MDN1: variants seen among roughly 807,000 people sequenced by gnomAD.
The protein encoded by MDN1 is midasin AAA ATPase 1.
A neutral mutation model predicts 669.2 loss-of-function variants in MDN1; 266 were observed. The observed-to-expected ratio is 0.40, with a 90% confidence interval of 0.36 to 0.44. MDN1 has a LOEUF of 0.44. MDN1 is among the 20% of genes least tolerant of loss of function. MDN1 has a pLI of 1.00. For synonymous variants in MDN1, 2,385 were observed against 2,457.1 expected, an observed-to-expected ratio of 0.97 and a Z score of 0.87; for missense variants, 5,940 against 6,754.0, an observed-to-expected ratio of 0.88 and a Z score of 4.22.
intron 50 of MDN1, among the ~76,000 whole-genome samples, chr6:89,709,509 T>C (rs1562121985): frequency 6.6e-6 from 1 of 152,224 alleles, no homozygotes; most frequent in Non-Finnish European, 1.5e-5. Context: ...CCTCTCATAG[T>C]GGAAAGCCAT....
intron 33 of MDN1, among the ~76,000 whole-genome samples, chr6:89,737,723 ATTT>A (rs369806177): frequency 4.7e-4 from 60 of 128,892 alleles, no homozygotes; most frequent in Admixed American, 8.0e-4. Context: ...TCCCAGCCTA[ATTT>A]TTTTTTTTTT....
At position 89,794,656 on chromosome 6, in the gene MDN1, C is replaced by T. The variant is rs547143319; in HGVS notation, c.475G>A (p.Glu159Lys). ...MEAAFKFLQQ[E>K]QSVFRELWDW... is the part of the protein sequence containing the mutation. ...CAGAGCTCCCGGAACACAGACTGCT[C>T]CTGCTGCAGAAACTTGAAGGCTGCT... Residue 159 changes from glutamate (E) to lysine (K), a missense_variant, in exon 3 of 102, where the codon GAG becomes AAG. Physicochemically the swap from Glu to Lys is moderately conservative, Grantham distance 56 (BLOSUM62 1). Around this residue, in one of 5 missense-constraint regions of MDN1, gnomAD observed 1,203 missense variants for 1,268.9 expected, o/e 0.95. Coordinates refer to ENST00000369393, the MANE Select transcript of MDN1 (RefSeq NM_014611.3). The T allele has an allele frequency of 2.2e-5, 36 of 1,614,134 alleles. No homozygotes were observed. In the African/African-American group the frequency reaches 3.6e-4, roughly 16 times the overall value.
At position 89,819,707 on chromosome 6, in the gene MDN1, C is replaced by T; in HGVS notation, c.-100G>A. 3.1e-6 allele frequency: 3 copies of T among 953,942 alleles called. No individual in the cohort carries two copies. Among genetic ancestry groups the T allele is most frequent in the Non-Finnish European group, 5.0e-6 (3 of 605,126 alleles). 59.1% of individuals were successfully genotyped at this position (953,942 alleles called of 1,614,324 possible). On this transcript the variant is annotated 5_prime_UTR_variant, in exon 1 of 102. Transcript: ENST00000369393. ...CCAGTGCCCGAGCAGCCAGCAACTA[C>T]GCCCGCAGGAAAGGCGTCCTCAGCT... is the stretch of plus-strand genomic sequence containing the variant.
At chr6:89,712,862 T>A in intron 47 of MDN1, 76 bp from the exon 48 acceptor site, 1 of 1,346,928 alleles carries the variant, frequency 7.4e-7, no homozygotes, top group Non-Finnish European at 1.0e-6. Flanking sequence ...AAAGTAATAA[T>A]AGTCCATGCG....
In MDN1 at chr6:89,819,396, G is replaced by A. The variant is rs1376289916; in HGVS notation, c.102+110C>T. The A allele has an allele frequency of 2.3e-5, 24 of 1,034,574 alleles. No homozygotes were observed. In the East Asian group the frequency reaches 5.2e-4, roughly 23 times the overall value. The allele number at this position is 1,034,574 out of a possible 1,614,324, so 64.1% of individuals were successfully genotyped here. On this transcript the variant is annotated intron_variant, in intron 1 of 101. Transcript: ENST00000369393. ...CAGGAGGGGGCCAGCTTGACCTGAG[G>A]CTGCACCACTCCCCACTTAAAGCGG...
rs748060715 is a variant in MDN1 at position 89,722,983 on chromosome 6, C to A, written c.5939G>T (p.Arg1980Ile). The stretch of plus-strand genomic sequence containing the variant: ...TTTTTTGTCCTCTTCGGTTCTCATT[C>A]TTTCACCATAGACCAAAAACACATG... Reference protein sequence around the residue: ...GQHVFLVYGERMRTEEDKKKV... With the variant: ...GQHVFLVYGEIMRTEEDKKKV... The change falls in exon 40 of 102, where the codon AGA (arginine) becomes ATA (isoleucine). Residue 1980 changes from arginine to isoleucine, a missense_variant. Arg to Ile is a moderately conservative substitution (Grantham distance 97, BLOSUM62 -3). Coordinates refer to ENST00000369393, the MANE Select transcript of MDN1 (RefSeq NM_014611.3). 2.5e-6 allele frequency: 4 copies of A among 1,612,478 alleles called. No homozygotes were observed. The highest frequency in any genetic ancestry group is 1.1e-5 in the South Asian group (1 of 90,674).
chr6:89,647,999 C>T (rs1453005202), intron 99 of MDN1, 33 bp downstream of exon 99: 1 of 1,493,612 alleles, frequency 6.7e-7, no homozygotes, highest in African/African-American at 1.4e-5. Context: ...TTAAAAATAA[C>T]TGTGCAGAAG....
At chr6:89,746,331 T>A (rs1429490546) in intron 27 of MDN1, among the ~76,000 whole-genome samples, 1 of 152,112 alleles carries the variant, frequency 6.6e-6, no homozygotes, top group Admixed American at 6.6e-5. Flanking sequence ...ATGCTTGTAA[T>A]CCCAGCACTT....
Position 89,728,224 on chromosome 6 carries a change from T to C in MDN1, c.5350-269A>G, listed in dbSNP as rs556100873. On this transcript the variant is annotated intron_variant, in intron 36 of 101. Transcript: ENST00000369393. ...AACATTGGCTGTACTTGGAATTTAA[T>C]TGACAGGCTTAAAAAAAAAAGAAAA... Among the ~76,000 whole-genome samples, 5 of 152,224 alleles carry C rather than the reference T, an allele frequency of 3.3e-5. No individual in the cohort carries two copies. In the South Asian group the frequency reaches 6.2e-4, roughly 19 times the overall value.
chr6:89,785,082 T>C lies in MDN1; in HGVS notation c.1379A>G (p.His460Arg). Residue 460 changes from histidine to arginine, a missense_variant, in exon 9 of 102, where the codon CAT (histidine) becomes CGT (arginine). By Grantham distance (29) the His-to-Arg change is conservative. Coordinates refer to ENST00000369393, the MANE Select transcript of MDN1 (RefSeq NM_014611.3). ...CCAATATTTGTCTAGCAAAGTAGCA[T>C]GACTGTTTAGCGGTCGATACCAATT... ...GGNWYRPLNS[H>R]ATLLDKYWTK... 6.2e-7 allele frequency: 1 copy of C among 1,614,186 alleles called. No individual in the cohort carries two copies. Among genetic ancestry groups the C allele is most frequent in the Non-Finnish European group, 8.5e-7 (1 of 1,180,006 alleles).
chr6:89,663,030 A>G, intron 85 of MDN1, 63 bp from the exon 86 acceptor site: 1 of 1,589,568 alleles, frequency 6.3e-7, no homozygotes, highest in South Asian at 1.1e-5. Context: ...TGTATTTAAG[A>G]GAGGTGTGGA....
chr6:89,779,180 C>G (rs1320346897), intron 11 of MDN1, among the ~76,000 whole-genome samples: 2 of 152,054 alleles, frequency 1.3e-5, no homozygotes, highest in South Asian at 4.1e-4. Flanking sequence ...AAAGAATATA[C>G]CCTACTCATT....
chr6:89,718,978 T>C lies in MDN1; in HGVS notation c.6110A>G (p.His2037Arg). The C allele has an allele frequency of 1.2e-6, 2 of 1,614,110 alleles. No homozygotes were observed. The highest frequency in any genetic ancestry group is 1.7e-6 in the Non-Finnish European group (2 of 1,180,026). ...RGSCVPHPSRHPLLLLHQSFQ... is the reference protein window; with the variant it reads ...RGSCVPHPSRRPLLLLHQSFQ... The stretch of plus-strand genomic sequence containing the variant: ...TGACTGGTGCAGGAGCAACAGGGGA[T>C]GGCGGGACGGGTGAGGAACACAGCT... The change falls in exon 42 of 102, where the codon CAT (histidine) becomes CGT (arginine). Residue 2037 changes from histidine (H) to arginine (R), a missense_variant. By Grantham distance (29) the His-to-Arg change is conservative. Coordinates refer to ENST00000369393, the MANE Select transcript of MDN1 (RefSeq NM_014611.3).
chr6:89,808,691 A>G (rs1401451986), intron 1 of MDN1, among the ~76,000 whole-genome samples: 1 of 152,094 alleles, frequency 6.6e-6, no homozygotes, highest in Non-Finnish European at 1.5e-5. Context: ...GCTCAGTAGG[A>G]CCACCACTGC....
At chr6:89,814,805 G>T in intron 1 of MDN1, 1 of 460,306 alleles carries the variant, frequency 2.2e-6, no homozygotes, top group South Asian at 1.6e-5. Context: ...CAGGGCCCTG[G>T]GTTCTCTGTG....
Position 89,758,970 on chromosome 6 carries a change from G to T in MDN1, c.2461-10C>A. ...CCTGAGCTAATGTACCCTAGAAAAA[G>T]ATAAAATAAAATGTTAACAATGTGT... On this transcript the variant is annotated splice_polypyrimidine_tract_variant and intron_variant, in intron 17 of 101. Coordinates refer to ENST00000369393, the MANE Select transcript of MDN1 (RefSeq NM_014611.3). 6.2e-7 allele frequency: 1 copy of T among 1,611,598 alleles called. No homozygotes were observed. Among genetic ancestry groups the T allele is most frequent in the Non-Finnish European group, 8.5e-7 (1 of 1,178,222 alleles).
chr6:89,780,189 A>G, intron 11 of MDN1, 23 bp downstream of exon 11: 3 of 1,410,578 alleles, frequency 2.1e-6, no homozygotes, highest in Non-Finnish European at 2.9e-6. Context: ...CAAGACAAAA[A>G]AGACTGGAAA....
At chr6:89,670,563 G>GT (rs1810681429) in intron 83 of MDN1, among the ~76,000 whole-genome samples, 2 of 152,166 alleles carry the variant, frequency 1.3e-5, no homozygotes, top group African/African-American at 4.8e-5. Context: ...AGCCTTAAGG[G>GT]TTTATCCTAC....
chr6:89,713,274 T>G lies in MDN1; in HGVS notation c.7092A>C (p.Ser2364=). The change falls in exon 47 of 102, where the codon TCA becomes TCC. Residue 2364 remains serine, a synonymous_variant. Transcript: ENST00000369393. ...TTAGTATGGCTGTCTGGATTAGAGT[T>G]GATACAGAAGATGTTGGAGAACCTA... ...TVVGSPTSSV[S]TLIQTAILIV... is the part of the protein sequence containing the mutation. 6.2e-7 allele frequency: 1 copy of G among 1,613,114 alleles called. No individual in the cohort carries two copies. Among genetic ancestry groups the G allele is most frequent in the South Asian group, 1.1e-5 (1 of 90,990 alleles).
Sources: gnomAD v4.1 joint callset for allele counts (sites outside exome capture counted in the v4.1 genomes callset) on GRCh38, gnomAD v4.1.1 for gene constraint, gnomAD v4.1.1 regional missense constraint, MANE v1.5 for transcripts, NCBI Gene and HGNC (gene_info 2026-07-23, HGNC 2026-07-21) for gene names.